Variants in KCNK2 observed in about 807,000 individuals in gnomAD.
The protein encoded by KCNK2 is potassium channel subfamily K member 2.
KCNK2 carries 21 observed loss-of-function variants against 40.5 expected under a neutral mutation model. The ratio of observed to expected loss-of-function variants is 0.52; its 90% CI spans 0.37 to 0.75. KCNK2 has a LOEUF of 0.75. Ranked by LOEUF, KCNK2 falls within the 30% of genes least tolerant of loss-of-function variation. The pLI, the probability that KCNK2 is intolerant of heterozygous loss-of-function variation, is 0.00. For missense variants in KCNK2, 399 were observed against 531.6 expected, an observed-to-expected ratio of 0.75 and a Z score of 2.45; for synonymous variants, 191 against 202.2, an observed-to-expected ratio of 0.94 and a Z score of 0.47.
chr1:215,178,956 G>T (rs573487145), intron 5 of KCNK2, among the ~76,000 whole-genome samples: 1 of 151,694 alleles, frequency 6.6e-6, no homozygotes, highest in South Asian at 2.1e-4. Context: ...GGTAGAATCT[G>T]AATGTGAATT....
chr1:215,084,312 A>G (rs1659334683), intron 1 of KCNK2, among the ~76,000 whole-genome samples: 1 of 152,142 alleles, frequency 6.6e-6, no homozygotes, highest in South Asian at 2.1e-4. Flanking sequence ...GGTGCCATCA[A>G]GGTAAACAGT....
At chr1:215,097,945 A>G (rs1035611038) in intron 2 of KCNK2, among the ~76,000 whole-genome samples, 2 of 151,958 alleles carry the variant, frequency 1.3e-5, no homozygotes, top group Admixed American at 1.3e-4. Flanking sequence ...TTTATCATTG[A>G]TTAAATATCC....
At position 215,025,162 on chromosome 1, in the gene KCNK2, A is replaced by C. The variant is rs147105438; in HGVS notation, c.34+19207A>C. On this transcript the variant is annotated intron_variant, in intron 1 of 6. Transcript: ENST00000391895. Reference sequence around the variant, plus strand: ...TAACTCTTCATAAATTACTTACTTAACCTCTTAGTTTTCTCATTGGTTAAA... The same window carrying C: ...TAACTCTTCATAAATTACTTACTTACCCTCTTAGTTTTCTCATTGGTTAAA... 3.0e-3 allele frequency among the ~76,000 whole-genome samples: 458 copies of C among 151,972 alleles called. 1 individual carries two copies. The highest frequency in any genetic ancestry group is 5.3e-3 in the Non-Finnish European group (359 of 67,948).
At chr1:215,140,866 A>G (rs889884544) in intron 3 of KCNK2, among the ~76,000 whole-genome samples, 5 of 152,200 alleles carry the variant, frequency 3.3e-5, no homozygotes, top group Non-Finnish European at 7.4e-5. Context: ...TTTACTTTAT[A>G]AACTTTTTAA....
At chr1:215,136,025 G>A (rs1177994993) in intron 3 of KCNK2, among the ~76,000 whole-genome samples, 3 of 152,152 alleles carry the variant, frequency 2.0e-5, no homozygotes, top group Admixed American at 2.0e-4. Context: ...TAGCCACCGT[G>A]CCTGGCCTAC....
chr1:215,010,860 T>TG (rs1553254938), intron 1 of KCNK2, among the ~76,000 whole-genome samples: 2,114 of 116,036 alleles, frequency 0.018, 53 homozygotes, highest in African/African-American at 0.069. Context: ...GATTTTTTTT[T>TG]TTTTTTTTTG....
intron 1 of KCNK2, among the ~76,000 whole-genome samples, chr1:215,076,801 A>G (rs1658956846): frequency 6.6e-6 from 1 of 152,166 alleles, no homozygotes; most frequent in African/African-American, 2.4e-5. Context: ...CCCCCCACAG[A>G]GCTGAGTTAT....
At chr1:215,102,418 CAAT>C (rs1660260822) in intron 2 of KCNK2, among the ~76,000 whole-genome samples, 1 of 151,714 alleles carries the variant, frequency 6.6e-6, no homozygotes, top group African/African-American at 2.4e-5. Context: ...TACAGCTGTA[CAAT>C]GTGTTTGTTT....
chr1:215,087,036 C>T (rs374986720), intron 2 of KCNK2, among the ~76,000 whole-genome samples: 2 of 152,326 alleles, frequency 1.3e-5, no homozygotes, highest in Admixed American at 6.5e-5. Flanking sequence ...GGGGTTACCA[C>T]GCTGAAGGTC....
At chr1:215,113,342 AC>A (rs1465204880) in intron 2 of KCNK2, among the ~76,000 whole-genome samples, 6 of 152,064 alleles carry the variant, frequency 3.9e-5, no homozygotes, top group Non-Finnish European at 5.9e-5. Flanking sequence ...TATTAATATA[AC>A]CCCAAGACCT....
intron 1 of KCNK2, among the ~76,000 whole-genome samples, chr1:215,077,030 C>G (rs1658968019): frequency 6.6e-6 from 1 of 152,196 alleles, no homozygotes; most frequent in Non-Finnish European, 1.5e-5. Flanking sequence ...CTTCTCCTCT[C>G]CTCTTAGCAT....
At position 215,086,612 on chromosome 1, in the gene KCNK2, C is replaced by A. The variant is rs746097485; in HGVS notation, c.291C>A (p.Ile97=). 41 of 1,614,030 alleles carry A rather than the reference C, an allele frequency of 2.5e-5. No homozygotes were observed. The highest frequency in any genetic ancestry group is 2.5e-6 in the Non-Finnish European group (3 of 1,179,988). ...HEISQRTTIV[I]QKQTFISQHS... ...TTTCACAGAGGACCACCATTGTGAT[C>A]CAGAAGCAAACATTCATATCCCAAC... The change falls in exon 2 of 7, where the codon ATC becomes ATA. Residue 97 remains isoleucine, a synonymous_variant. Coordinates refer to ENST00000444842, the MANE Select transcript of KCNK2 (RefSeq NM_001017425.3).
intron 3 of KCNK2, among the ~76,000 whole-genome samples, chr1:215,158,471 T>C (rs974394425): frequency 2.0e-5 from 3 of 152,256 alleles, no homozygotes; most frequent in Non-Finnish European, 4.4e-5. Flanking sequence ...TTAACTTACG[T>C]GGGGTAGATC....
At chr1:215,116,394 A>G (rs943392575) in intron 2 of KCNK2, among the ~76,000 whole-genome samples, 1 of 152,100 alleles carries the variant, frequency 6.6e-6, no homozygotes, top group African/African-American at 2.4e-5. Context: ...GATTAAAAAA[A>G]TCTCCCTAAA....
Position 215,230,532 on chromosome 1 carries a change from T to TATACACATAACA in KCNK2, c.964-4296_964-4295insATACACATAACA, listed in dbSNP as rs1558150321. ...GTATATATATATATATATATATATA[T>TATACACATAACA]GTATATATATACACACACATAACAG... is the stretch of plus-strand genomic sequence containing the variant. On this transcript the variant is annotated intron_variant, in intron 6 of 6. Transcript: ENST00000444842. 7.8e-3 allele frequency among the ~76,000 whole-genome samples: 289 copies of TATACACATAACA among 37,112 alleles called. 4 individuals are homozygous for TATACACATAACA. Among genetic ancestry groups the TATACACATAACA allele is most frequent in the African/African-American group, 0.019 (250 of 13,412 alleles). 24.3% of individuals were successfully genotyped at this position (37,112 alleles called of 152,430 possible).
intron 2 of KCNK2, among the ~76,000 whole-genome samples, chr1:215,115,694 T>A (rs1215695841): frequency 6.6e-6 from 1 of 151,116 alleles, no homozygotes; most frequent in African/African-American, 2.4e-5. Context: ...CTTTCTGACT[T>A]CTTCTTCTAC....
chr1:215,135,171 T>G (rs550950338), intron 3 of KCNK2, among the ~76,000 whole-genome samples: 4 of 152,238 alleles, frequency 2.6e-5, no homozygotes, highest in Non-Finnish European at 4.4e-5. Context: ...AAAATAACTC[T>G]ACATTTTTTT....
chr1:215,083,717 C>T (rs930801317), intron 1 of KCNK2: 2 of 531,148 alleles, frequency 3.8e-6, no homozygotes, highest in South Asian at 2.4e-5. Context: ...GAGGGTCAGC[C>T]CTTGGGAGTA....
intron 6 of KCNK2, among the ~76,000 whole-genome samples, chr1:215,230,032 CATAT>C (rs1041454951): frequency 2.1e-5 from 3 of 140,376 alleles, no homozygotes; most frequent in Non-Finnish European, 4.6e-5. Flanking sequence ...TATATATATA[CATAT>C]ATAGATATAT....
Sources: allele counts gnomAD v4.1 joint callset (sites outside exome capture counted in the v4.1 genomes callset), GRCh38; gene constraint gnomAD v4.1.1; transcripts MANE v1.5; gene names NCBI Gene and HGNC (gene_info 2026-07-23, HGNC 2026-07-21).